The following UBE3C variants were observed in gnomAD, a reference collection of about 807,000 sequenced individuals.
UBE3C encodes the protein ubiquitin protein ligase E3C.
Under a neutral mutation model 129.4 loss-of-function variants are expected in UBE3C, and 42 were observed. The observed-to-expected ratio is 0.32, with a 90% CI of 0.25 to 0.42. The LOEUF (loss-of-function observed/expected upper bound fraction) is 0.42, where lower values mean the gene tolerates loss of function less well. Among genes scored for constraint, UBE3C ranks in the 10% least tolerant of loss-of-function variants. The pLI is 1.00. For synonymous variants in UBE3C, 510 were observed against 492.4 expected, an observed-to-expected ratio of 1.04 and a Z score of -0.47; for missense variants, 1,049 against 1,319.1, an observed-to-expected ratio of 0.80 and a Z score of 3.17.
intron 18 of UBE3C, among the ~76,000 whole-genome samples, chr7:157,232,031 A>G (rs143333272): frequency 8.5e-5 from 13 of 152,296 alleles, no homozygotes; most frequent in African/African-American, 3.1e-4. Flanking sequence ...AGGCTCTAGA[A>G]GAATCCATTC....
chr7:157,224,101 T>A (rs939637353), intron 16 of UBE3C, among the ~76,000 whole-genome samples: 24 of 152,204 alleles, frequency 1.6e-4, no homozygotes, highest in African/African-American at 5.8e-4. Context: ...CTCAAACTCC[T>A]GGGCGCAAGC....
Position 157,232,872 on chromosome 7 carries a change from T to C in UBE3C, c.2481+1545T>C, listed in dbSNP as rs372540671. ...AAACAGGTGGTGCTTTTAGGACTTC[T>C]TTTACATAACAGTTTTATTAAAATA... is the stretch of plus-strand genomic sequence containing the variant. On this transcript the variant is annotated intron_variant, in intron 18 of 22. Coordinates refer to ENST00000348165, the MANE Select transcript of UBE3C (RefSeq NM_014671.3). 7.2e-5 allele frequency among the ~76,000 whole-genome samples: 11 copies of C among 152,362 alleles called. No individual in the cohort carries two copies. In the South Asian group the frequency reaches 1.9e-3, roughly 26 times the overall value.
intron 21 of UBE3C, among the ~76,000 whole-genome samples, chr7:157,256,418 CA>C (rs1796752797): frequency 6.6e-6 from 1 of 151,484 alleles, no homozygotes; most frequent in Admixed American, 6.6e-5. Context: ...GCTGGGATTA[CA>C]GGTGTGAGCC....
intron 19 of UBE3C, among the ~76,000 whole-genome samples, chr7:157,249,129 C>A (rs1235085887): frequency 6.6e-6 from 1 of 152,130 alleles, no homozygotes; most frequent in Non-Finnish European, 1.5e-5. Flanking sequence ...CTTTTTAGTA[C>A]ATGATTGAGT....
In UBE3C at chr7:157,184,271, A is replaced by C. The variant is rs566761895; in HGVS notation, c.1143+242A>C. Among the ~76,000 whole-genome samples the C allele has an allele frequency of 1.4e-3, 214 of 152,324 alleles. 1 individual carries two copies. The highest frequency in any genetic ancestry group is 2.6e-3 in the Non-Finnish European group (180 of 68,026). On this transcript the variant is annotated intron_variant, in intron 9 of 22. Transcript: ENST00000348165. Reference sequence around the variant, plus strand: ...TAGCTTTGTGTTTGGTTTTTTAGGCAAAATAGGATCATACTATATGTTAAC... The same window carrying C: ...TAGCTTTGTGTTTGGTTTTTTAGGCCAAATAGGATCATACTATATGTTAAC...
intron 6 of UBE3C, among the ~76,000 whole-genome samples, chr7:157,180,110 G>C (rs939684188): frequency 6.6e-6 from 1 of 152,178 alleles, no homozygotes; most frequent in African/African-American, 2.4e-5. Flanking sequence ...ATCTTACACA[G>C]AAACTGCCGC....
At chr7:157,252,520 A>G (rs75819051) in intron 19 of UBE3C, among the ~76,000 whole-genome samples, 1,954 of 152,382 alleles carry the variant, frequency 0.013, 43 homozygotes, top group African/African-American at 0.045. Flanking sequence ...GTGAAACGTT[A>G]AAAGAAGCAG....
chr7:157,237,129 A>G (rs928884746), intron 18 of UBE3C, among the ~76,000 whole-genome samples: 2 of 152,104 alleles, frequency 1.3e-5, no homozygotes, highest in South Asian at 4.2e-4. Context: ...TCCTGAATTC[A>G]GTTGATTGCT....
intron 21 of UBE3C, among the ~76,000 whole-genome samples, chr7:157,255,999 C>T (rs1264387501): frequency 6.6e-6 from 1 of 152,188 alleles, no homozygotes; most frequent in African/African-American, 2.4e-5. Flanking sequence ...TCTGTGGCCA[C>T]GTGCAAGCCC....
intron 22 of UBE3C, among the ~76,000 whole-genome samples, chr7:157,262,229 C>G (rs1796933861): frequency 6.6e-6 from 1 of 151,362 alleles, no homozygotes; most frequent in South Asian, 2.1e-4. Context: ...TCCTTTGGTT[C>G]TCATTCTAAC....
In UBE3C at chr7:157,211,738, TCA is replaced by T. The variant is rs376432547; in HGVS notation, c.1809+3804_1809+3805del. Among the ~76,000 whole-genome samples, 604 of 152,260 alleles carry T rather than the reference TCA, an allele frequency of 4.0e-3. 2 individuals are homozygous for T. Among genetic ancestry groups the T allele is most frequent in the African/African-American group, 0.013 (559 of 41,542 alleles). On this transcript the variant is annotated intron_variant, in intron 13 of 22. Coordinates refer to ENST00000348165, the MANE Select transcript of UBE3C (RefSeq NM_014671.3). ...TTTCATAGGTTAGAGTGTTTTATTC[TCA>T]GTTATTTGAACACTCACAGTATTCA... is the stretch of plus-strand genomic sequence containing the variant.
rs554183768 is a variant in UBE3C, at chr7:157,247,310, T to C, written c.2482-1058T>C. On this transcript the variant is annotated intron_variant, in intron 18 of 22. Coordinates refer to ENST00000348165, the MANE Select transcript of UBE3C (RefSeq NM_014671.3). ...GACCACATGGAAACAAGATAATTAA[T>C]GTCTAACTGCATGTCTAGCACAGTG... Among the ~76,000 whole-genome samples, 15 of 152,388 alleles carry C rather than the reference T, an allele frequency of 9.8e-5. 1 individual carries two copies. The South Asian group carries it at 2.9e-3, about 29-fold the overall frequency.
At chr7:157,201,289 A>G (rs905343539) in intron 10 of UBE3C, among the ~76,000 whole-genome samples, 2 of 152,118 alleles carry the variant, frequency 1.3e-5, no homozygotes, top group African/African-American at 4.8e-5. Flanking sequence ...GTGGCACTGC[A>G]CTCCAGCCTG....
rs371104534 is a variant in UBE3C at position 157,267,964 on chromosome 7, TTAAAA to T, written c.*213_*217del. On this transcript the variant is annotated 3_prime_UTR_variant, in exon 23 of 23. Coordinates refer to ENST00000348165, the MANE Select transcript of UBE3C (RefSeq NM_014671.3). Reference sequence around the variant, plus strand: ...AGATGGACATTGCTTTTCAAATAACTTAAAATAACACGTTATGTGCCATGTGGCTA... The same window carrying T: ...AGATGGACATTGCTTTTCAAATAACTTAACACGTTATGTGCCATGTGGCTA... 1.0e-4 allele frequency: 47 copies of T among 462,540 alleles called. No homozygotes were observed. The highest frequency in any genetic ancestry group is 8.8e-4 in the East Asian group (23 of 26,152). 28.7% of individuals were successfully genotyped at this position (462,540 alleles called of 1,614,324 possible). A position where few individuals can be genotyped will look rare whatever the true frequency, so the allele number is the denominator to read the frequency against.
intron 13 of UBE3C, among the ~76,000 whole-genome samples, chr7:157,216,265 T>C (rs1380788245): frequency 6.6e-6 from 1 of 151,182 alleles, no homozygotes; most frequent in Non-Finnish European, 1.5e-5. Context: ...AGAAATACTC[T>C]TTCAGGAAAA....
At chr7:157,246,133 C>T (rs982721624) in intron 18 of UBE3C, among the ~76,000 whole-genome samples, 28 of 152,064 alleles carry the variant, frequency 1.8e-4, no homozygotes, top group African/African-American at 6.0e-4. Context: ...TATCAGTGGA[C>T]GAGTCCTTAA....
intron 1 of UBE3C, among the ~76,000 whole-genome samples, chr7:157,143,048 G>A (rs954351669): frequency 2.0e-5 from 3 of 151,914 alleles, no homozygotes; most frequent in Admixed American, 6.6e-5. Flanking sequence ...TGTATTTTTA[G>A]TAGAGATGGG....
chr7:157,139,261 T>A lies in UBE3C; in HGVS notation c.-12T>A. On this transcript the variant is annotated 5_prime_UTR_variant, in exon 1 of 23. The change abolishes the stop of an existing upstream ORF in the 5' untranslated region. Transcript: ENST00000348165. ...GCGGCGGCGCTGCCCGCACATGGGC[T>A]AGGCTGCCAGGATGTTCAGCTTCGA... The A allele has an allele frequency of 6.4e-7, 1 of 1,559,670 alleles. No individual in the cohort carries two copies. Among genetic ancestry groups the A allele is most frequent in the Non-Finnish European group, 8.6e-7 (1 of 1,160,066 alleles).
At chr7:157,162,542 CTT>C (rs201356346) in intron 1 of UBE3C, among the ~76,000 whole-genome samples, 10 of 140,056 alleles carry the variant, frequency 7.1e-5, no homozygotes, top group African/African-American at 1.1e-4. Flanking sequence ...CAATCTTGAA[CTT>C]TTTTTTTTTT....
Sources: allele counts gnomAD v4.1 joint callset (sites outside exome capture counted in the v4.1 genomes callset), GRCh38; gene constraint gnomAD v4.1.1; transcripts MANE v1.5; gene names NCBI Gene and HGNC (gene_info 2026-07-23, HGNC 2026-07-21).